The following PLCL1 variants were observed in gnomAD, a reference collection of about 807,000 sequenced individuals.
PLCL1 encodes the protein inactive phospholipase C-like protein 1.
Under a neutral mutation model 84.4 loss-of-function variants are expected in PLCL1, and 41 were observed. The observed-to-expected ratio is 0.49, with a 90% CI of 0.38 to 0.63. The LOEUF (loss-of-function observed/expected upper bound fraction) is 0.63, where lower values mean the gene tolerates loss of function less well. Among genes scored for constraint, PLCL1 ranks in the 30% least tolerant of loss-of-function variants. The pLI, the probability that PLCL1 is intolerant of heterozygous loss-of-function variation, is 0.00. For missense variants in PLCL1, 1,206 were observed against 1,367.8 expected, an observed-to-expected ratio of 0.88 and a Z score of 1.87; for synonymous variants, 490 against 488.3, an observed-to-expected ratio of 1.00 and a Z score of -0.05.
At chr2:197,997,636 G>A (rs1194298901) in intron 1 of PLCL1, among the ~76,000 whole-genome samples, 1 of 152,208 alleles carries the variant, frequency 6.6e-6, no homozygotes, top group Non-Finnish European at 1.5e-5. Context: ...CATTCTGTGT[G>A]AAGGAGCTAC....
chr2:197,964,466 A>C (rs181689433), intron 1 of PLCL1, among the ~76,000 whole-genome samples: 2 of 152,182 alleles, frequency 1.3e-5, no homozygotes, highest in African/African-American at 4.8e-5. Flanking sequence ...GTAACTTTAC[A>C]AAATTTGTTT....
chr2:197,813,834 T>G (rs183383806), intron 1 of PLCL1, among the ~76,000 whole-genome samples: 98 of 152,280 alleles, frequency 6.4e-4, no homozygotes, highest in Non-Finnish European at 3.5e-4. Flanking sequence ...CTCCAGAGGT[T>G]GCTTTTAATC....
intron 1 of PLCL1, among the ~76,000 whole-genome samples, chr2:197,997,444 TATC>T (rs1201996545): frequency 6.6e-6 from 1 of 152,220 alleles, no homozygotes; most frequent in African/African-American, 2.4e-5. Flanking sequence ...ATGACTATGT[TATC>T]ATAACCTGCA....
intron 1 of PLCL1, among the ~76,000 whole-genome samples, chr2:197,852,593 C>T (rs1440014344): frequency 6.6e-6 from 1 of 152,052 alleles, no homozygotes; most frequent in Non-Finnish European, 1.5e-5. Flanking sequence ...CATTTTTATA[C>T]CGATGGATTT....
At chr2:197,836,499 ACTGT>A (rs1691192386) in intron 1 of PLCL1, among the ~76,000 whole-genome samples, 1 of 149,834 alleles carries the variant, frequency 6.7e-6, no homozygotes, top group Non-Finnish European at 1.5e-5. Flanking sequence ...TGTTCAATTC[ACTGT>A]CTGTCACTTC....
intron 5 of PLCL1, among the ~76,000 whole-genome samples, chr2:198,135,578 A>G (rs577987467): frequency 7.3e-4 from 111 of 152,322 alleles, no homozygotes; most frequent in Middle Eastern, 6.8e-3. Flanking sequence ...CAGTTGAATC[A>G]TATTTTTAAA....
intron 1 of PLCL1, among the ~76,000 whole-genome samples, chr2:198,059,100 C>T (rs1692130502): frequency 6.6e-6 from 1 of 152,106 alleles, no homozygotes; most frequent in Non-Finnish European, 1.5e-5. Flanking sequence ...GCCATTTGCT[C>T]CTTCTGGATA....
At chr2:197,836,871 G>T (rs1439158801) in intron 1 of PLCL1, among the ~76,000 whole-genome samples, 1 of 152,066 alleles carries the variant, frequency 6.6e-6, no homozygotes, top group Non-Finnish European at 1.5e-5. Context: ...TTTTTTTAAA[G>T]TTGTTTTTGT....
chr2:198,009,586 T>G (rs7582715), intron 1 of PLCL1, among the ~76,000 whole-genome samples: 35,388 of 151,896 alleles, frequency 0.23, 4,289 homozygotes, highest in African/African-American at 0.31. Context: ...AATTACTGTT[T>G]CTTTGCAGTA....
At chr2:197,944,274 G>C (rs1470964874) in intron 1 of PLCL1, among the ~76,000 whole-genome samples, 2 of 152,066 alleles carry the variant, frequency 1.3e-5, no homozygotes, top group South Asian at 2.1e-4. Flanking sequence ...TCAGTTTCCT[G>C]TCAGGGGAAT....
intron 1 of PLCL1, among the ~76,000 whole-genome samples, chr2:197,931,235 T>C (rs1688924956): frequency 6.6e-6 from 1 of 152,168 alleles, no homozygotes; most frequent in South Asian, 2.1e-4. Context: ...TTTGCCCCCA[T>C]AAAAGTGTTT....
At position 198,085,554 on chromosome 2, in the gene PLCL1, C is replaced by G. The variant is rs771727809; in HGVS notation, c.2037C>G (p.Asp679Glu). ...TTCAGACTCCGGGTCCAATGATGGA[C>G]CTTCACACGGGCTGGTTTCTTCAAA... ...MNFQTPGPMM[D>E]LHTGWFLQNG... Residue 679 changes from aspartate to glutamate, a missense_variant, in exon 2 of 6, where the codon GAC becomes GAG. Coordinates refer to ENST00000428675, the MANE Select transcript of PLCL1 (RefSeq NM_006226.4). The surrounding 1 kb of genome is among the most constrained non-coding windows in gnomAD (Gnocchi z 5.3). 1.2e-6 allele frequency: 2 copies of G among 1,613,914 alleles called. No homozygotes were observed. Among genetic ancestry groups the G allele is most frequent in the Non-Finnish European group, 8.5e-7 (1 of 1,179,956 alleles).
intron 1 of PLCL1, among the ~76,000 whole-genome samples, chr2:197,918,896 G>A (rs752857962): frequency 1.2e-4 from 18 of 151,458 alleles, no homozygotes; most frequent in Non-Finnish European, 1.6e-4. Flanking sequence ...AGCTGTGATT[G>A]CACCATTGCA....
At chr2:197,965,956 C>T (rs1014018218) in intron 1 of PLCL1, among the ~76,000 whole-genome samples, 6 of 152,036 alleles carry the variant, frequency 3.9e-5, no homozygotes, top group African/African-American at 1.4e-4. Context: ...CCACTCTTGA[C>T]TATTCAGGGC....
intron 1 of PLCL1, among the ~76,000 whole-genome samples, chr2:197,905,301 G>GTGTTCTCATTGTTCAACTCACACT (rs1442257215): frequency 6.6e-6 from 1 of 152,160 alleles, no homozygotes; most frequent in African/African-American, 2.4e-5. Flanking sequence ...CTGTGTCCAT[G>GTGTTCTCATTGTTCAACTCACACT]TGTTCTCATT....
At chr2:198,040,657 A>C (rs1691638384) in intron 1 of PLCL1, among the ~76,000 whole-genome samples, 1 of 152,146 alleles carries the variant, frequency 6.6e-6, no homozygotes, top group South Asian at 2.1e-4. Context: ...CCCAGGAGGA[A>C]TGAGGAACAC....
intron 5 of PLCL1, among the ~76,000 whole-genome samples, chr2:198,140,509 G>C (rs1188792547): frequency 6.6e-6 from 1 of 152,104 alleles, no homozygotes; most frequent in African/African-American, 2.4e-5. Flanking sequence ...AAGACTTCTT[G>C]ATAAATAAAG....
intron 1 of PLCL1, among the ~76,000 whole-genome samples, chr2:197,883,627 A>G (rs1039604984): frequency 6.6e-6 from 1 of 152,228 alleles, no homozygotes; most frequent in African/African-American, 2.4e-5. Context: ...AGTTCAGCAT[A>G]TATTTAGTTG....
intron 1 of PLCL1, among the ~76,000 whole-genome samples, chr2:198,036,373 C>T (rs746843768): frequency 3.5e-4 from 54 of 152,146 alleles, no homozygotes; most frequent in Non-Finnish European, 5.1e-4. Context: ...AGCTAATTTT[C>T]TATTAGTTTG....
Sources: gnomAD v4.1 joint callset for allele counts (sites outside exome capture counted in the v4.1 genomes callset) on GRCh38, gnomAD v4.1.1 for gene constraint, Gnocchi (gnomAD v3.1) non-coding constraint, MANE v1.5 for transcripts, NCBI Gene and HGNC (gene_info 2026-07-23, HGNC 2026-07-21) for gene names.